The following GLYATL3 variants were observed in gnomAD, a reference collection of about 807,000 sequenced individuals.
GLYATL3 encodes glycine N-acyltransferase-like protein 3.
GLYATL3 carries 31 observed loss-of-function variants against 28.5 expected under a neutral mutation model. The ratio of observed to expected loss-of-function variants is 1.09; its 90% CI spans 0.82 to 1.47. GLYATL3 has a LOEUF of 1.47. Among genes scored for constraint, GLYATL3 ranks in the 40% most tolerant of loss-of-function variants. GLYATL3 has a pLI of 0.00. For synonymous variants in GLYATL3, 141 were observed against 140.2 expected, an observed-to-expected ratio of 1.01 and a Z score of -0.04; for missense variants, 369 against 351.5, an observed-to-expected ratio of 1.05 and a Z score of -0.40.
intron 4 of GLYATL3, among the ~76,000 whole-genome samples, chr6:49,519,924 C>G (rs1181101152): frequency 6.6e-6 from 1 of 152,146 alleles, no homozygotes; most frequent in African/African-American, 2.4e-5. Context: ...AAAAGATAAT[C>G]TACATGTGTA....
intron 1 of GLYATL3, among the ~76,000 whole-genome samples, chr6:49,503,710 AGGCTTATATT>A (rs1361740647): frequency 6.6e-6 from 1 of 152,224 alleles, no homozygotes; most frequent in African/African-American, 2.4e-5. Flanking sequence ...CAGGTCCTAA[AGGCTTATATT>A]GGGATGTGTG....
chr6:49,501,455 G>A (rs1483696246), intron 1 of GLYATL3, among the ~76,000 whole-genome samples: 1 of 152,170 alleles, frequency 6.6e-6, no homozygotes, highest in East Asian at 1.9e-4. Flanking sequence ...GCAGCGGTAG[G>A]TTAGTGAGGG....
At chr6:49,513,203 AT>A (rs1228265542) in intron 2 of GLYATL3, among the ~76,000 whole-genome samples, 1 of 152,260 alleles carries the variant, frequency 6.6e-6, no homozygotes, top group African/African-American at 2.4e-5. Context: ...AACTTCCTCC[AT>A]TTTTTGGAGT....
At chr6:49,515,617 A>G in intron 2 of GLYATL3, 36 bp from the exon 3 acceptor site, 1 of 1,161,382 alleles carries the variant, frequency 8.6e-7, no homozygotes, top group Non-Finnish European at 1.3e-6. Flanking sequence ...AACAGCTAAT[A>G]GTATGATTGG....
At chr6:49,500,355 C>T (rs11964378) in intron 1 of GLYATL3, among the ~76,000 whole-genome samples, 13,999 of 151,956 alleles carry the variant, frequency 0.092, 690 homozygotes, top group Non-Finnish European at 0.11. Flanking sequence ...GAACAAAAAT[C>T]CTAACATATG....
rs1431101854 is a variant in GLYATL3 at position 49,526,806 on chromosome 6, C to G, written c.759C>G (p.Asn253Lys). 1.3e-6 allele frequency: 2 copies of G among 1,552,000 alleles called. No homozygotes were observed. The highest frequency in any genetic ancestry group is 1.4e-5 in the African/African-American group (1 of 73,050). The change falls in exon 6 of 6, where the codon AAC becomes AAG. Residue 253 changes from asparagine (N) to lysine (K), a missense_variant. Asn to Lys is a moderately conservative substitution (Grantham distance 94). Coordinates refer to ENST00000371197, the MANE Select transcript of GLYATL3 (RefSeq NM_001010904.2). ...CTCAGGGGAACGTCCTGGATGACAA[C>G]ACGGCGTCTATAAGCCTCCTGAAGA... ...FPSQGNVLDD[N>K]TASISLLKSL...
chr6:49,517,643 T>G, intron 4 of GLYATL3, 87 bp downstream of exon 4: 1 of 948,656 alleles, frequency 1.1e-6, no homozygotes, highest in Non-Finnish European at 1.5e-6. Context: ...TTCATATATA[T>G]GAAAATATAT....
At chr6:49,511,021 G>A (rs115751284) in intron 1 of GLYATL3, among the ~76,000 whole-genome samples, 240 of 152,238 alleles carry the variant, frequency 1.6e-3, no homozygotes, top group African/African-American at 5.6e-3. Flanking sequence ...TGGAAAATAC[G>A]TTGTAAAGGA....
chr6:49,506,850 G>T (rs1317835113), intron 1 of GLYATL3, among the ~76,000 whole-genome samples: 1 of 152,036 alleles, frequency 6.6e-6, no homozygotes, highest in African/African-American at 2.4e-5. Flanking sequence ...AAGAAGGAGA[G>T]TGAGGGCACC....
intron 1 of GLYATL3, among the ~76,000 whole-genome samples, chr6:49,508,133 A>G (rs1384316049): frequency 6.6e-6 from 1 of 152,064 alleles, no homozygotes; most frequent in Non-Finnish European, 1.5e-5. Flanking sequence ...CGTCTCTACT[A>G]AAAATTTAAA....
At chr6:49,502,446 A>G (rs1768932010) in intron 1 of GLYATL3, among the ~76,000 whole-genome samples, 1 of 152,222 alleles carries the variant, frequency 6.6e-6, no homozygotes, top group Non-Finnish European at 1.5e-5. Flanking sequence ...TTCCTTGTAA[A>G]TGGCATTTTA....
chr6:49,512,192 T>C, intron 2 of GLYATL3, 124 bp downstream of exon 2: 1 of 461,924 alleles, frequency 2.2e-6, no homozygotes, highest in Non-Finnish European at 3.8e-6. Flanking sequence ...TTGTTAAACA[T>C]ACAGCTTCCC....
Position 49,512,085 on chromosome 6 carries a change from A to T in GLYATL3, c.78+17A>T, listed in dbSNP as rs538484418. 6 of 1,061,204 alleles carry T rather than the reference A, an allele frequency of 5.7e-6. No homozygotes were observed. Among genetic ancestry groups the T allele is most frequent in the Non-Finnish European group, 8.3e-6 (6 of 720,490 alleles). 65.7% of individuals were successfully genotyped at this position (1,061,204 alleles called of 1,614,324 possible). A position where few individuals can be genotyped will look rare whatever the true frequency, so the allele number is the denominator to read the frequency against. On this transcript the variant is annotated intron_variant, in intron 2 of 5. Transcript: ENST00000371197. ...TCACTCAAGGTACCATAAAATTAAT[A>T]ATTTTATTTTATTTCTTTATTGTGT...
At chr6:49,507,359 C>A (rs1354128528) in intron 1 of GLYATL3, among the ~76,000 whole-genome samples, 2 of 152,184 alleles carry the variant, frequency 1.3e-5, no homozygotes, top group South Asian at 2.1e-4. Flanking sequence ...CTATCCCAGT[C>A]TAACAGGTCC....
intron 3 of GLYATL3, among the ~76,000 whole-genome samples, chr6:49,516,820 T>G (rs1769222994): frequency 6.6e-6 from 1 of 151,750 alleles, no homozygotes; most frequent in Non-Finnish European, 1.5e-5. Context: ...ATTTTTAAAA[T>G]TTTTAAACAA....
chr6:49,518,509 G>A (rs1271207685), intron 4 of GLYATL3, among the ~76,000 whole-genome samples: 3 of 152,092 alleles, frequency 2.0e-5, no homozygotes, highest in Admixed American at 6.5e-5. Context: ...ACCTCATATT[G>A]GAAATCTAAA....
intron 4 of GLYATL3, among the ~76,000 whole-genome samples, chr6:49,518,092 C>T (rs1769249088): frequency 6.6e-6 from 1 of 152,090 alleles, no homozygotes; most frequent in African/African-American, 2.4e-5. Context: ...TGTGATCATA[C>T]CTCACTGCAG....
In GLYATL3 at chr6:49,527,665, T is replaced by TG. The variant is rs1452151734; in HGVS notation, c.*752dup. Among the ~76,000 whole-genome samples the TG allele has an allele frequency of 1.3e-5, 2 of 152,202 alleles. No homozygotes were observed. Among genetic ancestry groups the TG allele is most frequent in the African/African-American group, 2.4e-5 (1 of 41,458 alleles). On this transcript the variant is annotated 3_prime_UTR_variant, in exon 6 of 6. Coordinates refer to ENST00000371197, the MANE Select transcript of GLYATL3 (RefSeq NM_001010904.2). ...TGGGCATTTTGATGCTATAAACAAATGCTGTCACCATAGAACTAGACTTTA... is the reference window on the plus strand; with the variant it reads ...TGGGCATTTTGATGCTATAAACAAATGGCTGTCACCATAGAACTAGACTTTA...
chr6:49,500,764 G>A (rs1021776202), intron 1 of GLYATL3, among the ~76,000 whole-genome samples: 4 of 152,164 alleles, frequency 2.6e-5, no homozygotes, highest in Non-Finnish European at 5.9e-5. Context: ...CTAATCAAGT[G>A]GTAAGGATAT....
Sources: gnomAD v4.1 joint callset for allele counts (sites outside exome capture counted in the v4.1 genomes callset) on GRCh38, gnomAD v4.1.1 for gene constraint, MANE v1.5 for transcripts, NCBI Gene and HGNC (gene_info 2026-07-23, HGNC 2026-07-21) for gene names.